IGSF21: variants seen among roughly 807,000 people sequenced by gnomAD.
IGSF21 encodes immunoglobulin superfamily member 21.
A neutral mutation model predicts 46.8 loss-of-function variants in IGSF21; 28 were observed. The ratio of observed to expected loss-of-function variants is 0.60; its 90% CI spans 0.44 to 0.82. The LOEUF is 0.82. Ranked by LOEUF, IGSF21 falls within the 40% of genes least tolerant of loss-of-function variation. The pLI, the probability that IGSF21 is intolerant of heterozygous loss-of-function variation, is 0.00. For synonymous variants in IGSF21, 284 were observed against 273.6 expected (o/e 1.04, Z -0.38); for missense variants, 624 against 665.5 (o/e 0.94, Z 0.69).
intron 2 of IGSF21, among the ~76,000 whole-genome samples, chr1:18,242,099 A>C (rs2084736288): frequency 6.6e-6 from 1 of 151,956 alleles, no homozygotes; most frequent in Non-Finnish European, 1.5e-5. Context: ...GTGCTGCGGC[A>C]CAGATCCACA....
chr1:18,244,552 C>T (rs769747355), intron 2 of IGSF21, among the ~76,000 whole-genome samples: 76 of 152,334 alleles, frequency 5.0e-4, no homozygotes, highest in Middle Eastern at 3.4e-3. Flanking sequence ...AGCTGCATTG[C>T]TGACCTATGT....
At chr1:18,366,887 G>T (rs1218443428) in intron 6 of IGSF21, among the ~76,000 whole-genome samples, 1 of 152,172 alleles carries the variant, frequency 6.6e-6, no homozygotes, top group East Asian at 1.9e-4. Context: ...CTGACTCAGG[G>T]CAGGGAAAGG....
chr1:18,181,714 C>T (rs1327793943), intron 1 of IGSF21, among the ~76,000 whole-genome samples: 1 of 152,040 alleles, frequency 6.6e-6, no homozygotes, highest in African/African-American at 2.4e-5. Flanking sequence ...AATATAGTGA[C>T]TCTTCTCCCA....
chr1:18,295,520 G>A (rs1023487973), intron 3 of IGSF21, among the ~76,000 whole-genome samples: 1 of 152,236 alleles, frequency 6.6e-6, no homozygotes, highest in Non-Finnish European at 1.5e-5. Flanking sequence ...GTGGGGTGCA[G>A]TACCGGGAAG....
chr1:18,161,474 A>G (rs2086622139), intron 1 of IGSF21, among the ~76,000 whole-genome samples: 1 of 152,102 alleles, frequency 6.6e-6, no homozygotes, highest in Admixed American at 6.5e-5. Context: ...CCAGGCCACC[A>G]AAAGCCTTAT....
intron 9 of IGSF21, among the ~76,000 whole-genome samples, chr1:18,377,785 G>A (rs935042852): frequency 1.3e-5 from 2 of 152,178 alleles, no homozygotes; most frequent in Non-Finnish European, 2.9e-5. Context: ...CCTCAGAAGG[G>A]TGTGTCCAGC....
At chr1:18,230,881 C>T (rs574939185) in intron 2 of IGSF21, among the ~76,000 whole-genome samples, 32 of 152,020 alleles carry the variant, frequency 2.1e-4, no homozygotes, top group East Asian at 9.7e-4. Context: ...CCCTGCCAGA[C>T]GAACCCCCCA....
At chr1:18,163,523 C>T (rs891293934) in intron 1 of IGSF21, among the ~76,000 whole-genome samples, 1 of 152,152 alleles carries the variant, frequency 6.6e-6, no homozygotes, top group East Asian at 1.9e-4. Context: ...AGAGCAGATC[C>T]CCAAGGCTCT....
chr1:18,122,493 C>T (rs1048291010), intron 1 of IGSF21, among the ~76,000 whole-genome samples: 2 of 151,734 alleles, frequency 1.3e-5, no homozygotes, highest in African/African-American at 4.8e-5. Context: ...GCCAAGCCAC[C>T]CCAACTGTAC....
At chr1:18,157,331 G>T (rs536788192) in intron 1 of IGSF21, among the ~76,000 whole-genome samples, 1 of 152,146 alleles carries the variant, frequency 6.6e-6, no homozygotes, top group African/African-American at 2.4e-5. Context: ...TCACCTGCCT[G>T]GTGGGTACCC....
rs755783417 is a variant in IGSF21 at position 18,218,736 on chromosome 1, GA to G, written c.71-9158del. Among the ~76,000 whole-genome samples the G allele has an allele frequency of 7.9e-5, 12 of 152,314 alleles. No homozygotes were observed. In the East Asian group the frequency reaches 1.7e-3, roughly 22 times the overall value. On this transcript the variant is annotated intron_variant, in intron 1 of 9. Transcript: ENST00000251296. ...GAAAATCTCAACTCACATGGGGAAA[GA>G]AAATCAGTAGACTACAATGATGAGA...
chr1:18,272,732 G>T (rs974169907), intron 2 of IGSF21, among the ~76,000 whole-genome samples: 2 of 152,198 alleles, frequency 1.3e-5, no homozygotes, highest in African/African-American at 2.4e-5. Flanking sequence ...CAGTGGAGAG[G>T]GGGCCTCTCA....
At chr1:18,124,368 C>T (rs745650079) in intron 1 of IGSF21, among the ~76,000 whole-genome samples, 10 of 152,228 alleles carry the variant, frequency 6.6e-5, no homozygotes, top group Non-Finnish European at 1.2e-4. Flanking sequence ...CTAGTATCCT[C>T]ATTTTACAGG....
At chr1:18,315,310 C>A (rs540142719) in intron 3 of IGSF21, among the ~76,000 whole-genome samples, 52 of 152,308 alleles carry the variant, frequency 3.4e-4, no homozygotes, top group Non-Finnish European at 5.9e-4. Context: ...CTGGTCAGAT[C>A]TTTCTGTTCT....
At chr1:18,220,712 G>A (rs1265694212) in intron 1 of IGSF21, among the ~76,000 whole-genome samples, 2 of 152,150 alleles carry the variant, frequency 1.3e-5, no homozygotes, top group African/African-American at 4.8e-5. Context: ...TTTTCTTGAG[G>A]AGGTAACATT....
intron 1 of IGSF21, among the ~76,000 whole-genome samples, chr1:18,164,101 G>GCTCCATCTGTATAGCATTCTTAA (rs2086655409): frequency 6.6e-6 from 1 of 151,962 alleles, no homozygotes; most frequent in Non-Finnish European, 1.5e-5. Flanking sequence ...CAGCATACTA[G>GCTCCATCTGTATAGCATTCTTAA]CTCCATCTGT....
At chr1:18,122,518 T>G (rs754585276) in intron 1 of IGSF21, among the ~76,000 whole-genome samples, 4 of 151,962 alleles carry the variant, frequency 2.6e-5, no homozygotes, top group Non-Finnish European at 4.4e-5. Context: ...TTTTACACCA[T>G]CATTTTCTTA....
intron 3 of IGSF21, among the ~76,000 whole-genome samples, chr1:18,327,075 C>T (rs779833471): frequency 6.6e-6 from 1 of 152,202 alleles, no homozygotes; most frequent in Non-Finnish European, 1.5e-5. Flanking sequence ...GTCATGCACC[C>T]TTTTCTCATA....
chr1:18,353,137 T>A (rs2085975564), intron 4 of IGSF21, among the ~76,000 whole-genome samples: 1 of 151,916 alleles, frequency 6.6e-6, no homozygotes, highest in Non-Finnish European at 1.5e-5. Flanking sequence ...GGGGGCTTTT[T>A]GTTGTTGCTT....
Sources: gnomAD v4.1 joint callset for allele counts (sites outside exome capture counted in the v4.1 genomes callset) on GRCh38, gnomAD v4.1.1 for gene constraint, MANE v1.5 for transcripts, NCBI Gene and HGNC (gene_info 2026-07-23, HGNC 2026-07-21) for gene names.